The following CAMKMT variants were observed in gnomAD, a reference collection of about 807,000 sequenced individuals.
CAMKMT encodes the protein CaM KMT.
A neutral mutation model predicts 48.0 loss-of-function variants in CAMKMT; 53 were observed. The ratio of observed to expected loss-of-function variants is 1.10; its 90% CI spans 0.89 to 1.39. CAMKMT has a LOEUF of 1.39. CAMKMT is among the 40% of genes most tolerant of loss of function. The probability of loss-of-function intolerance (pLI) is 0.00; values close to 1 mark genes in which losing one functional copy is unlikely to be tolerated. For missense variants in CAMKMT, 428 were observed against 402.7 expected, an observed-to-expected ratio of 1.06 and a Z score of -0.54; for synonymous variants, 165 against 152.3, an observed-to-expected ratio of 1.08 and a Z score of -0.61.
intron 3 of CAMKMT, chr2:44,456,420 T>C: frequency 1.1e-6 from 1 of 901,036 alleles, no homozygotes; most frequent in Non-Finnish European, 1.6e-6. Flanking sequence ...AATATTTAGG[T>C]CTTTTAGCCC....
At chr2:44,713,991 G>C (rs1293203049) in intron 6 of CAMKMT, among the ~76,000 whole-genome samples, 3 of 152,076 alleles carry the variant, frequency 2.0e-5, no homozygotes, top group Admixed American at 6.6e-5. Context: ...TTTATTTCTT[G>C]TTTATGTAAA....
intron 3 of CAMKMT, among the ~76,000 whole-genome samples, chr2:44,495,503 T>C (rs1669711699): frequency 6.6e-6 from 1 of 152,236 alleles, no homozygotes; most frequent in African/African-American, 2.4e-5. Context: ...AGAAAATTCA[T>C]TGCAGTTTTG....
chr2:44,624,643 C>CA (rs1672379969), intron 3 of CAMKMT, among the ~76,000 whole-genome samples: 1 of 152,210 alleles, frequency 6.6e-6, no homozygotes, highest in African/African-American at 2.4e-5. Context: ...CATGTTCCTA[C>CA]AAAGGACATG....
chr2:44,497,951 T>G (rs1417571627), intron 3 of CAMKMT, among the ~76,000 whole-genome samples: 1 of 152,026 alleles, frequency 6.6e-6, no homozygotes, highest in Non-Finnish European at 1.5e-5. Context: ...TAAATTGGAA[T>G]GTTGTGGTAG....
chr2:44,365,931 G>T (rs569301760), intron 1 of CAMKMT, among the ~76,000 whole-genome samples: 1 of 152,306 alleles, frequency 6.6e-6, no homozygotes, highest in African/African-American at 2.4e-5. Context: ...TCCTGGATTG[G>T]CTAATTGAAA....
At position 44,768,357 on chromosome 2, in the gene CAMKMT, A is replaced by AT. The variant is rs1166912438; in HGVS notation, c.894+1797dup. On this transcript the variant is annotated intron_variant, in intron 10 of 10. Coordinates refer to ENST00000378494, the MANE Select transcript of CAMKMT (RefSeq NM_024766.5). ...GGGCGCCCATGATATATATATATATATATATTTTTTTTTTTTTTTTAATAA... is the reference window on the plus strand; with the variant it reads ...GGGCGCCCATGATATATATATATATATTATATTTTTTTTTTTTTTTTAATAA... Among the ~76,000 whole-genome samples, 415 of 96,012 alleles carry AT rather than the reference A, an allele frequency of 4.3e-3. 4 individuals carry two copies. The East Asian group carries it at 0.053, about 12-fold the overall frequency. 63.0% of individuals were successfully genotyped at this position (96,012 alleles called of 152,430 possible).
chr2:44,577,920 G>A (rs914284313), intron 3 of CAMKMT, among the ~76,000 whole-genome samples: 3 of 152,118 alleles, frequency 2.0e-5, no homozygotes, highest in African/African-American at 4.8e-5. Context: ...TAGACAGATC[G>A]CCTTTGTCCT....
At chr2:44,762,051 A>G (rs1680643101) in intron 9 of CAMKMT, among the ~76,000 whole-genome samples, 1 of 152,204 alleles carries the variant, frequency 6.6e-6, no homozygotes, top group African/African-American at 2.4e-5. Context: ...AATTAGATGG[A>G]ACGTGATGAA....
chr2:44,647,907 C>CA (rs756753917), intron 3 of CAMKMT, among the ~76,000 whole-genome samples: 3,234 of 28,534 alleles, frequency 0.11, 266 homozygotes, highest in Non-Finnish European at 0.18. Context: ...GACTCCGTCT[C>CA]AAAAAAAAAA....
chr2:44,668,606 CT>C lies in CAMKMT; in HGVS notation c.377-35675del, dbSNP rs144638299. Among the ~76,000 whole-genome samples, 556 of 152,202 alleles carry C rather than the reference CT, an allele frequency of 3.7e-3. 4 individuals are homozygous for C. The highest frequency in any genetic ancestry group is 0.012 in the African/African-American group (501 of 41,534). ...TCTATTGCCTCACCTCCAGTTCACC[CT>C]TATTTTTCTTTACTTTTTTTGAAAT... On this transcript the variant is annotated intron_variant, in intron 3 of 10. Coordinates refer to ENST00000378494, the MANE Select transcript of CAMKMT (RefSeq NM_024766.5).
At chr2:44,762,420 A>C (rs905683997) in intron 9 of CAMKMT, among the ~76,000 whole-genome samples, 2 of 152,210 alleles carry the variant, frequency 1.3e-5, no homozygotes, top group Non-Finnish European at 2.9e-5. Flanking sequence ...GAACAAACTA[A>C]ATGTGAGACT....
chr2:44,452,693 G>A (rs1667354114), intron 3 of CAMKMT, among the ~76,000 whole-genome samples: 1 of 151,842 alleles, frequency 6.6e-6, no homozygotes, highest in Non-Finnish European at 1.5e-5. Context: ...TTTAACCTTT[G>A]TATTATAATC....
chr2:44,701,667 T>A (rs1677268337), intron 3 of CAMKMT, among the ~76,000 whole-genome samples: 1 of 152,316 alleles, frequency 6.6e-6, no homozygotes, highest in African/African-American at 2.4e-5. Flanking sequence ...AACACAATAA[T>A]CTCATCATAT....
chr2:44,501,066 T>G (rs186454429), intron 3 of CAMKMT, among the ~76,000 whole-genome samples: 7 of 149,246 alleles, frequency 4.7e-5, no homozygotes, highest in African/African-American at 1.7e-4. Flanking sequence ...ATATTTTGGT[T>G]TTTTTTTTTC....
At chr2:44,382,680 T>C (rs978801037) in intron 2 of CAMKMT, among the ~76,000 whole-genome samples, 2 of 151,782 alleles carry the variant, frequency 1.3e-5, no homozygotes, top group African/African-American at 4.8e-5. Context: ...AGGGTTTCAC[T>C]GTGTTAGCCT....
At position 44,739,379 on chromosome 2, in the gene CAMKMT, A is replaced by T. The variant is rs79042823; in HGVS notation, c.624-4243A>T. On this transcript the variant is annotated intron_variant, in intron 7 of 10. Transcript: ENST00000378494. ...TGGCATATTCAATGTGGACTGTAAA[A>T]GAAAGAGTCAAAGATATATTCAAGG... 3.9e-5 allele frequency among the ~76,000 whole-genome samples: 6 copies of T among 152,352 alleles called. No individual in the cohort carries two copies. In the South Asian group the frequency reaches 1.0e-3, roughly 26 times the overall value.
chr2:44,604,558 G>GT (rs34125010), intron 3 of CAMKMT, among the ~76,000 whole-genome samples: 1,774 of 143,308 alleles, frequency 0.012, 25 homozygotes, highest in African/African-American at 0.026. Flanking sequence ...AGCCAATCTG[G>GT]TTTTTTTTTT....
chr2:44,503,180 AT>A (rs570800029), intron 3 of CAMKMT, among the ~76,000 whole-genome samples: 11 of 151,624 alleles, frequency 7.3e-5, no homozygotes, highest in Middle Eastern at 3.5e-3. Flanking sequence ...GTAATAACCA[AT>A]TTTTTTTTCC....
chr2:44,768,918 G>C (rs1680982584), intron 10 of CAMKMT, among the ~76,000 whole-genome samples: 1 of 152,130 alleles, frequency 6.6e-6, no homozygotes, highest in African/African-American at 2.4e-5. Flanking sequence ...ACCAGCTGGA[G>C]GACTGTAAGA....
Sources: allele counts gnomAD v4.1 joint callset (sites outside exome capture counted in the v4.1 genomes callset), GRCh38; gene constraint gnomAD v4.1.1; transcripts MANE v1.5; gene names NCBI Gene and HGNC (gene_info 2026-07-23, HGNC 2026-07-21).